SNX29: variants seen among roughly 807,000 people sequenced by gnomAD.
The protein encoded by SNX29 is sorting nexin-29.
SNX29 carries 78 observed loss-of-function variants against 102.1 expected under a neutral mutation model. The ratio of observed to expected loss-of-function variants is 0.76; its 90% CI spans 0.64 to 0.92. The LOEUF is 0.92. Among genes scored for constraint, SNX29 ranks in the 40% least tolerant of loss-of-function variants. The probability of loss-of-function intolerance (pLI) is 0.00; values close to 1 mark genes in which losing one functional copy is unlikely to be tolerated. For missense variants in SNX29, 1,280 were observed against 1,061.7 expected (o/e 1.21, Z -2.86); for synonymous variants, 580 against 414.5 (o/e 1.40, Z -4.85).
chr16:12,159,928 C>G (rs1280204237), intron 13 of SNX29, among the ~76,000 whole-genome samples: 3 of 152,200 alleles, frequency 2.0e-5, no homozygotes, highest in Non-Finnish European at 4.4e-5. Context: ...TCCAGTGCAT[C>G]TAGGCAGCCA....
At chr16:12,025,155 A>G (rs1218688403) in intron 3 of SNX29, among the ~76,000 whole-genome samples, 1 of 152,072 alleles carries the variant, frequency 6.6e-6, no homozygotes, top group African/African-American at 2.4e-5. Flanking sequence ...TACAAACATT[A>G]GCCAGGCATG....
intron 19 of SNX29, among the ~76,000 whole-genome samples, chr16:12,511,272 T>G (rs1406125220): frequency 1.3e-5 from 2 of 152,210 alleles, no homozygotes; most frequent in Admixed American, 6.5e-5. Context: ...CTCATACTCC[T>G]GAGCTCAGGT....
chr16:12,076,481 C>T (rs1463885916), intron 10 of SNX29, among the ~76,000 whole-genome samples: 4 of 151,962 alleles, frequency 2.6e-5, no homozygotes, highest in African/African-American at 4.8e-5. Flanking sequence ...TTGTATTTTT[C>T]AGTAGAGACG....
intron 18 of SNX29, among the ~76,000 whole-genome samples, chr16:12,417,680 C>G (rs1057317998): frequency 5.3e-5 from 8 of 151,984 alleles, no homozygotes; most frequent in Admixed American, 5.3e-4. Flanking sequence ...CTTACTGCCT[C>G]TCTCCTGTTC....
chr16:12,527,923 C>G (rs868728910), intron 20 of SNX29, among the ~76,000 whole-genome samples: 16 of 149,954 alleles, frequency 1.1e-4, no homozygotes, highest in Middle Eastern at 6.8e-3. Flanking sequence ...CTCCCAGGTT[C>G]ACGCCATTCT....
At chr16:12,276,400 C>A (rs894287428) in intron 14 of SNX29, among the ~76,000 whole-genome samples, 6 of 152,172 alleles carry the variant, frequency 3.9e-5, no homozygotes. Flanking sequence ...CTTGAGCCTT[C>A]GGCGGGCTCT....
chr16:12,530,929 A>C (rs921464707), intron 20 of SNX29, among the ~76,000 whole-genome samples: 2 of 152,122 alleles, frequency 1.3e-5, no homozygotes, highest in Non-Finnish European at 2.9e-5. Flanking sequence ...GCTGTTTCAT[A>C]ATTTATTTCA....
intron 13 of SNX29, among the ~76,000 whole-genome samples, chr16:12,170,953 C>G (rs1380352777): frequency 1.3e-5 from 2 of 151,948 alleles, no homozygotes; most frequent in Admixed American, 1.3e-4. Context: ...GACCTGGAGC[C>G]CAGGAGAAAA....
intron 20 of SNX29, among the ~76,000 whole-genome samples, chr16:12,552,919 G>C (rs1020718095): frequency 3.9e-5 from 6 of 152,366 alleles, no homozygotes; most frequent in Admixed American, 3.3e-4. Context: ...CAGCAGAGCT[G>C]ATTGCTCCTG....
At chr16:12,524,609 G>A in intron 19 of SNX29, 93 bp from the exon 20 acceptor site, 5 of 1,445,238 alleles carry the variant, frequency 3.5e-6, no homozygotes, top group Middle Eastern at 1.8e-4. Context: ...TGGTTGCCTG[G>A]ATGGCGCTGA....
At chr16:12,306,787 A>G (rs939307887) in intron 15 of SNX29, among the ~76,000 whole-genome samples, 6 of 152,198 alleles carry the variant, frequency 3.9e-5, no homozygotes, top group African/African-American at 1.2e-4. Flanking sequence ...GCAAAGGACA[A>G]CCTTGTCAGC....
In SNX29 at chr16:12,399,735, G is replaced by A. The variant is rs368188996; in HGVS notation, c.1955+1234G>A. On this transcript the variant is annotated intron_variant, in intron 17 of 20. Coordinates refer to ENST00000566228, the MANE Select transcript of SNX29 (RefSeq NM_032167.5). Reference sequence around the variant, plus strand: ...GTTGGGGCAGCTGCTGGGGTCGGGGGTGGCGGTGGCTGTTAGGCTGATAGG... The same window carrying A: ...GTTGGGGCAGCTGCTGGGGTCGGGGATGGCGGTGGCTGTTAGGCTGATAGG... 1.0e-3 allele frequency among the ~76,000 whole-genome samples: 158 copies of A among 152,276 alleles called. 1 individual carries two copies. Among genetic ancestry groups the A allele is most frequent in the Middle Eastern group, 0.01 (3 of 294 alleles).
intron 15 of SNX29, among the ~76,000 whole-genome samples, chr16:12,351,364 CG>C (rs2081987807): frequency 6.7e-6 from 1 of 149,936 alleles, no homozygotes; most frequent in Non-Finnish European, 1.5e-5. Flanking sequence ...TTTTATAAAA[CG>C]TAACAGATTC....
intron 18 of SNX29, among the ~76,000 whole-genome samples, chr16:12,476,420 A>G (rs1443591732): frequency 1.1e-4 from 6 of 56,114 alleles, no homozygotes; most frequent in African/African-American, 2.5e-4. Flanking sequence ...ATACATATAT[A>G]TATATATATA....
At chr16:12,072,029 CT>C (rs1421722590) in intron 10 of SNX29, among the ~76,000 whole-genome samples, 1 of 152,194 alleles carries the variant, frequency 6.6e-6, no homozygotes, top group Admixed American at 6.5e-5. Flanking sequence ...TATCCTGAGA[CT>C]TTGCTGAAGT....
chr16:12,081,738 G>C (rs996851362), intron 11 of SNX29: 1 of 150,890 alleles, frequency 6.6e-6, no homozygotes, highest in African/African-American at 2.4e-5. Flanking sequence ...TAAAAATTTC[G>C]GGGAAAAAAA....
intron 15 of SNX29, among the ~76,000 whole-genome samples, chr16:12,349,562 G>C (rs1380069035): frequency 6.6e-6 from 1 of 152,176 alleles, no homozygotes; most frequent in Non-Finnish European, 1.5e-5. Context: ...TTGGATTTCA[G>C]ATTTTCAGAT....
intron 15 of SNX29, among the ~76,000 whole-genome samples, chr16:12,281,527 A>G (rs1407768037): frequency 6.6e-6 from 1 of 152,224 alleles, no homozygotes; most frequent in Non-Finnish European, 1.5e-5. Flanking sequence ...CAAGGAGGAC[A>G]GGAGAATTCT....
chr16:12,524,346 C>T (rs1359051499), intron 19 of SNX29, among the ~76,000 whole-genome samples: 1 of 151,894 alleles, frequency 6.6e-6, no homozygotes, highest in East Asian at 1.9e-4. Context: ...GTCTCCCTCG[C>T]TGGCCTGTGA....
Sources: allele counts gnomAD v4.1 joint callset (sites outside exome capture counted in the v4.1 genomes callset), GRCh38; gene constraint gnomAD v4.1.1; transcripts MANE v1.5; gene names NCBI Gene and HGNC (gene_info 2026-07-23, HGNC 2026-07-21).